PCSK5: variants seen among roughly 807,000 people sequenced by gnomAD.
PCSK5 encodes the protein prohormone convertase 5.
Under a neutral mutation model 233.2 loss-of-function variants are expected in PCSK5, and 129 were observed. That is an observed-to-expected ratio of 0.55 (90% confidence interval 0.48 to 0.64). The LOEUF is 0.64. PCSK5 is among the 30% of genes least tolerant of loss of function. The pLI is 0.00. For missense variants in PCSK5, 2,076 were observed against 2,430.1 expected, an observed-to-expected ratio of 0.85 and a Z score of 3.06; for synonymous variants, 825 against 879.2, an observed-to-expected ratio of 0.94 and a Z score of 1.09.
intron 9 of PCSK5, among the ~76,000 whole-genome samples, chr9:76,117,365 A>G (rs1182156258): frequency 6.6e-6 from 1 of 152,100 alleles, no homozygotes; most frequent in East Asian, 1.9e-4. Context: ...ACAAAGCATT[A>G]TATTGTGCTA....
intron 20 of PCSK5, among the ~76,000 whole-genome samples, chr9:76,226,631 A>G (rs917699501): frequency 2.0e-5 from 3 of 152,114 alleles, no homozygotes; most frequent in Admixed American, 6.5e-5. Context: ...ATCTGAAACC[A>G]TATTTTCTGG....
intron 24 of PCSK5, among the ~76,000 whole-genome samples, chr9:76,255,211 C>T (rs754059910): frequency 1.3e-5 from 2 of 151,978 alleles, no homozygotes; most frequent in South Asian, 2.1e-4. Context: ...TGCCTGAGCC[C>T]GGGAAATTGA....
intron 2 of PCSK5, among the ~76,000 whole-genome samples, chr9:75,953,423 G>A (rs1286141662): frequency 6.6e-6 from 1 of 152,142 alleles, no homozygotes; most frequent in African/African-American, 2.4e-5. Flanking sequence ...TTAACAGTAA[G>A]TCAGGTTGAT....
chr9:76,010,682 G>A (rs1329463461), intron 3 of PCSK5, among the ~76,000 whole-genome samples: 4 of 152,166 alleles, frequency 2.6e-5, no homozygotes, highest in Non-Finnish European at 5.9e-5. Flanking sequence ...CAGACATGAG[G>A]ATGTTTTGGA....
chr9:75,949,010 CA>C (rs368203511), intron 2 of PCSK5, among the ~76,000 whole-genome samples: 7 of 150,700 alleles, frequency 4.6e-5, no homozygotes, highest in African/African-American at 1.7e-4. Flanking sequence ...AAAACAAAAC[CA>C]AAAAACTACT....
intron 12 of PCSK5, among the ~76,000 whole-genome samples, chr9:76,164,954 C>T (rs199817444): frequency 6.8e-6 from 1 of 147,942 alleles, no homozygotes; most frequent in Admixed American, 6.7e-5. Flanking sequence ...AAAAAAAAAA[C>T]TTATCATTTT....
At chr9:76,061,174 A>G (rs113204934) in intron 5 of PCSK5, among the ~76,000 whole-genome samples, 7 of 152,298 alleles carry the variant, frequency 4.6e-5, no homozygotes, top group African/African-American at 1.7e-4. Context: ...TATAATAAAT[A>G]AGCCTGATAT....
intron 35 of PCSK5, among the ~76,000 whole-genome samples, chr9:76,341,053 G>GA (rs11446664): frequency 0.43 from 57,899 of 134,470 alleles, 12,170 homozygotes; most frequent in East Asian, 0.75. Flanking sequence ...TGTTTCTACA[G>GA]AAAAAAAAAA....
chr9:76,140,158 A>C (rs980056618), intron 10 of PCSK5, among the ~76,000 whole-genome samples: 6 of 152,112 alleles, frequency 3.9e-5, no homozygotes, highest in Non-Finnish European at 5.9e-5. Context: ...GCGGTTTCAC[A>C]CTTAAAACCC....
intron 15 of PCSK5, among the ~76,000 whole-genome samples, chr9:76,180,134 CG>C (rs1823796576): frequency 6.7e-6 from 1 of 149,262 alleles, no homozygotes; most frequent in Middle Eastern, 3.3e-3. Flanking sequence ...TACGTACACA[CG>C]TTTTGGAACA....
intron 33 of PCSK5, among the ~76,000 whole-genome samples, chr9:76,328,612 C>A (rs1564183978): frequency 6.6e-6 from 1 of 152,094 alleles, no homozygotes; most frequent in African/African-American, 2.4e-5. Flanking sequence ...ACATCATGGC[C>A]CCTTTCCCAT....
chr9:75,964,007 T>C (rs1825468334), intron 2 of PCSK5, among the ~76,000 whole-genome samples: 1 of 152,254 alleles, frequency 6.6e-6, no homozygotes, highest in African/African-American at 2.4e-5. Flanking sequence ...TTGCTTAACC[T>C]TTTTGAATCT....
At chr9:76,331,818 C>G (rs2131482022) in intron 33 of PCSK5, among the ~76,000 whole-genome samples, 1 of 152,190 alleles carries the variant, frequency 6.6e-6, no homozygotes, top group African/African-American at 2.4e-5. Flanking sequence ...TGGACTCTAG[C>G]AAGTGGAAAA....
At chr9:76,268,203 C>T (rs1827397496) in intron 24 of PCSK5, among the ~76,000 whole-genome samples, 1 of 152,220 alleles carries the variant, frequency 6.6e-6, no homozygotes, top group Admixed American at 6.5e-5. Flanking sequence ...TCCTAGCTCT[C>T]AGATTGCCTT....
intron 13 of PCSK5, among the ~76,000 whole-genome samples, chr9:76,173,117 C>T (rs17062170): frequency 0.062 from 9,366 of 152,248 alleles, 340 homozygotes; most frequent in South Asian, 0.11. Flanking sequence ...AGCTCTGTTT[C>T]CTCCTCTATA....
chr9:76,354,778 AT>A (rs1308609936), intron 37 of PCSK5, among the ~76,000 whole-genome samples: 1 of 152,036 alleles, frequency 6.6e-6, no homozygotes, highest in African/African-American at 2.4e-5. Flanking sequence ...TGCTGTCTAA[AT>A]TTTTTTTTAA....
chr9:75,950,619 CT>C (rs927202147), intron 2 of PCSK5, among the ~76,000 whole-genome samples: 1 of 152,130 alleles, frequency 6.6e-6, no homozygotes. Context: ...AAATAAAATA[CT>C]TTACAGACAA....
chr9:76,247,692 GA>G (rs1267000032), intron 24 of PCSK5, among the ~76,000 whole-genome samples: 3 of 152,152 alleles, frequency 2.0e-5, no homozygotes, highest in East Asian at 3.9e-4. Flanking sequence ...TTGGCAAAGA[GA>G]AAAAAGATAA....
intron 9 of PCSK5, among the ~76,000 whole-genome samples, chr9:76,125,853 C>A (rs1832828958): frequency 6.6e-6 from 1 of 152,186 alleles, no homozygotes; most frequent in South Asian, 2.1e-4. Context: ...CAGCTCCAAT[C>A]ATCATATCCA....
Sources: allele counts gnomAD v4.1 joint callset (sites outside exome capture counted in the v4.1 genomes callset), GRCh38; gene constraint gnomAD v4.1.1; transcripts MANE v1.5; gene names NCBI Gene and HGNC (gene_info 2026-07-23, HGNC 2026-07-21).